The following ZC3HAV1 variants were observed in gnomAD, a reference collection of about 807,000 sequenced individuals.
ZC3HAV1 encodes the protein zinc finger CCCH-type antiviral protein 1.
ZC3HAV1 carries 41 observed loss-of-function variants against 86.6 expected under a neutral mutation model. The observed-to-expected ratio is 0.47, with a 90% CI of 0.37 to 0.61. The LOEUF is 0.61. Among genes scored for constraint, ZC3HAV1 ranks in the 20% least tolerant of loss-of-function variants. The probability of loss-of-function intolerance (pLI) is 0.00; values close to 1 mark genes in which losing one functional copy is unlikely to be tolerated. For missense variants in ZC3HAV1, 964 were observed against 1,141.1 expected (o/e 0.84, Z 2.24); for synonymous variants, 421 against 432.1 (o/e 0.97, Z 0.32).
intron 7 of ZC3HAV1, among the ~76,000 whole-genome samples, chr7:139,073,240 A>T (rs910755226): frequency 6.6e-6 from 1 of 152,144 alleles, no homozygotes; most frequent in Non-Finnish European, 1.5e-5. Flanking sequence ...TGGAGGTTGC[A>T]GTGAGCCAAG....
intron 2 of ZC3HAV1, among the ~76,000 whole-genome samples, chr7:139,088,677 C>G (rs1817345444): frequency 6.6e-6 from 1 of 152,216 alleles, no homozygotes; most frequent in South Asian, 2.1e-4. Flanking sequence ...AAATCTTTTC[C>G]ATAAAGGATC....
chr7:139,076,967 C>T (rs757024107), intron 5 of ZC3HAV1, among the ~76,000 whole-genome samples: 2 of 151,480 alleles, frequency 1.3e-5, no homozygotes, highest in African/African-American at 2.4e-5. Context: ...GATAGAAATT[C>T]GAGGTAACCA....
intron 12 of ZC3HAV1, 96 bp downstream of exon 12, chr7:139,053,355 G>C: frequency 7.1e-7 from 1 of 1,412,838 alleles, no homozygotes; most frequent in South Asian, 1.6e-5. Context: ...GGACACTCTG[G>C]TTAATACAAA....
chr7:139,053,749 C>A (rs1160573475), intron 11 of ZC3HAV1, among the ~76,000 whole-genome samples, 168 bp from the exon 12 acceptor site: 4 of 145,030 alleles, frequency 2.8e-5, no homozygotes, highest in African/African-American at 1.0e-4. Context: ...TTTATGAAAA[C>A]TTTTAAAAGA....
intron 5 of ZC3HAV1, among the ~76,000 whole-genome samples, 176 bp downstream of exon 5, chr7:139,078,376 A>G (rs1462244810): frequency 6.6e-6 from 1 of 151,490 alleles, no homozygotes. Context: ...TAGTTCCTCA[A>G]AAAAAAAAAT....
Position 139,108,861 on chromosome 7 carries a change from C to T in ZC3HAV1, c.308+163G>A, listed in dbSNP as rs1272688230. Among the ~76,000 whole-genome samples the T allele has an allele frequency of 6.6e-6, 1 of 152,206 alleles. No homozygotes were observed. The highest frequency in any genetic ancestry group is 6.5e-5 in the Admixed American group (1 of 15,286). On this transcript the variant is annotated intron_variant, in intron 1 of 12. Transcript: ENST00000242351. The surrounding 1 kb of genome is among the most constrained non-coding windows in gnomAD (Gnocchi z 4.2). ...AACTGCAAAGGTAGAAGCGCGGGCC[C>T]TGCAGAGGCTCCCAGAGGGGAGCAG...
At chr7:139,065,377 A>G (rs537893711) in intron 7 of ZC3HAV1, among the ~76,000 whole-genome samples, 2 of 152,346 alleles carry the variant, frequency 1.3e-5, no homozygotes, top group African/African-American at 4.8e-5. Context: ...CTCTTACATG[A>G]AATAGAACAT....
At chr7:139,078,126 C>A (rs1185450235) in intron 5 of ZC3HAV1, among the ~76,000 whole-genome samples, 2 of 152,210 alleles carry the variant, frequency 1.3e-5, no homozygotes, top group African/African-American at 4.8e-5. Context: ...GTAACCCCAG[C>A]TACCTGGGAG....
chr7:139,078,701 CA>C, intron 4 of ZC3HAV1, 48 bp from the exon 5 acceptor site: 2 of 1,369,566 alleles, frequency 1.5e-6, no homozygotes, highest in South Asian at 1.4e-5. Flanking sequence ...ATGTTTAAAC[CA>C]AAAATCAAAG....
In ZC3HAV1 at chr7:139,045,652, G is replaced by C. The variant is rs1815933517; in HGVS notation, c.*1942C>G. On this transcript the variant is annotated 3_prime_UTR_variant, in exon 13 of 13. Transcript: ENST00000242351. The stretch of plus-strand genomic sequence containing the variant: ...ACATACAGATCCTGAGAGAGGAACA[G>C]GTTCATGTGAGGGAGGTAGATGGAG... The C allele has an allele frequency of 6.6e-6, 1 of 152,076 alleles. No individual in the cohort carries two copies. Among genetic ancestry groups the C allele is most frequent in the Admixed American group, 6.6e-5 (1 of 15,254 alleles). The allele number at this position is 152,076 out of a possible 1,614,324, so 9.4% of individuals were successfully genotyped here.
intron 7 of ZC3HAV1, among the ~76,000 whole-genome samples, chr7:139,070,178 C>T (rs990782048): frequency 2.6e-5 from 4 of 151,878 alleles, no homozygotes; most frequent in Non-Finnish European, 5.9e-5. Context: ...AGAGTTCATT[C>T]ACATCTTCAG....
intron 4 of ZC3HAV1, 143 bp from the exon 5 acceptor site, chr7:139,078,796 C>G (rs1817034404): frequency 5.5e-6 from 4 of 721,870 alleles, no homozygotes; most frequent in Non-Finnish European, 8.7e-6. Context: ...TGCCCATGAG[C>G]ATCTAGACAG....
rs10544425 is a variant in ZC3HAV1, at chr7:139,088,031, C to CAA, written c.444+1591_444+1592dup. On this transcript the variant is annotated intron_variant, in intron 2 of 12. Coordinates refer to ENST00000242351, the MANE Select transcript of ZC3HAV1 (RefSeq NM_020119.4). ...CGGGTGACAGAGCAAGATCCTGTCT[C>CAA]AAAAAAAAAAAAAAAAAAAAAAAAG... 3.2e-3 allele frequency among the ~76,000 whole-genome samples: 184 copies of CAA among 57,504 alleles called. No homozygotes were observed. In the Middle Eastern group the frequency reaches 0.044, roughly 14 times the overall value. The allele number at this position is 57,504 out of a possible 152,430, so 37.7% of individuals were successfully genotyped here.
chr7:139,051,179 T>G (rs967002822), intron 12 of ZC3HAV1, among the ~76,000 whole-genome samples: 4 of 151,714 alleles, frequency 2.6e-5, no homozygotes, highest in African/African-American at 9.7e-5. Flanking sequence ...TGCCTCAGCC[T>G]CCCAAGTAGC....
At chr7:139,053,836 A>AAT (rs1316600954) in intron 11 of ZC3HAV1, 129 bp downstream of exon 11, 35 of 1,288,356 alleles carry the variant, frequency 2.7e-5, no homozygotes, top group Non-Finnish European at 3.5e-5. Flanking sequence ...TGAAAAAAAA[A>AAT]AAAAAAGACT....
chr7:139,086,795 C>A (rs1288552003), intron 2 of ZC3HAV1, among the ~76,000 whole-genome samples: 4 of 152,186 alleles, frequency 2.6e-5, no homozygotes, highest in Non-Finnish European at 5.9e-5. Context: ...TTATAAAGGG[C>A]TTCCCCCTTT....
In ZC3HAV1 at chr7:139,109,590, G is replaced by T; in HGVS notation, c.-259C>A. The T allele has an allele frequency of 4.7e-6, 2 of 422,452 alleles. No homozygotes were observed. The highest frequency in any genetic ancestry group is 8.3e-6 in the Non-Finnish European group (2 of 239,526). 26.2% of individuals were successfully genotyped at this position (422,452 alleles called of 1,614,324 possible). On this transcript the variant is annotated 5_prime_UTR_variant, in exon 1 of 13. Coordinates refer to ENST00000242351, the MANE Select transcript of ZC3HAV1 (RefSeq NM_020119.4). ...GGCCGCAAGGGCAACTGGGTGGAAAGAAAGAGAACGCGCGGGCAAATCTGC... is the reference window on the plus strand; with the variant it reads ...GGCCGCAAGGGCAACTGGGTGGAAATAAAGAGAACGCGCGGGCAAATCTGC...
At chr7:139,105,406 A>C (rs1397923318) in intron 1 of ZC3HAV1, among the ~76,000 whole-genome samples, 1 of 152,238 alleles carries the variant, frequency 6.6e-6, no homozygotes, top group East Asian at 1.9e-4. Flanking sequence ...AGTGCTTATC[A>C]TAGTGGTTGG....
intron 3 of ZC3HAV1, among the ~76,000 whole-genome samples, chr7:139,081,312 G>A (rs182921035): frequency 2.1e-3 from 312 of 152,158 alleles, no homozygotes; most frequent in African/African-American, 7.2e-3. Context: ...GGAAGGGGTA[G>A]AAGAGACATT....
Sources: allele counts gnomAD v4.1 joint callset (sites outside exome capture counted in the v4.1 genomes callset), GRCh38; gene constraint gnomAD v4.1.1; non-coding constraint Gnocchi (gnomAD v3.1); transcripts MANE v1.5; gene names NCBI Gene and HGNC (gene_info 2026-07-23, HGNC 2026-07-21).